RAB21: variants seen among roughly 807,000 people sequenced by gnomAD.
RAB21 encodes RAB21, member RAS oncogene family.
Under a neutral mutation model 33.1 loss-of-function variants are expected in RAB21, and 13 were observed. The ratio of observed to expected loss-of-function variants is 0.39; its 90% CI spans 0.26 to 0.62. RAB21 has a LOEUF of 0.62. RAB21 is among the 20% of genes least tolerant of loss of function. RAB21 has a pLI of 0.48. For missense variants in RAB21, 234 were observed against 279.1 expected (o/e 0.84, Z 1.15); for synonymous variants, 91 against 103.7 (o/e 0.88, Z 0.74).
At chr12:71,763,402 A>AT (rs1307747569) in intron 1 of RAB21, among the ~76,000 whole-genome samples, 2 of 151,900 alleles carry the variant, frequency 1.3e-5, no homozygotes, top group Admixed American at 6.6e-5. Context: ...TGGCAGATAT[A>AT]TTTTTTCCCT....
chr12:71,777,895 A>C (rs1883144875), intron 4 of RAB21, among the ~76,000 whole-genome samples: 1 of 152,174 alleles, frequency 6.6e-6, no homozygotes, highest in Non-Finnish European at 1.5e-5. Context: ...CTGGCCTTCT[A>C]TCAGGATTGC....
At chr12:71,777,484 T>G (rs559269783) in intron 4 of RAB21, among the ~76,000 whole-genome samples, 2 of 152,332 alleles carry the variant, frequency 1.3e-5, no homozygotes, top group African/African-American at 2.4e-5. Context: ...TTGATTTTTA[T>G]TCTCTGTTGT....
At chr12:71,780,739 C>A (rs1446424730) in intron 4 of RAB21, among the ~76,000 whole-genome samples, 1 of 152,136 alleles carries the variant, frequency 6.6e-6, no homozygotes, top group Admixed American at 6.5e-5. Flanking sequence ...ACTTGTCCAC[C>A]TCAGTGCTAA....
chr12:71,755,983 G>T (rs1040676769), intron 1 of RAB21, among the ~76,000 whole-genome samples: 4 of 152,134 alleles, frequency 2.6e-5, no homozygotes, highest in Non-Finnish European at 5.9e-5. Context: ...ATAAAAGGTC[G>T]GCTTTCTTCC....
At chr12:71,771,671 A>G (rs550023554) in intron 3 of RAB21, among the ~76,000 whole-genome samples, 1 of 152,212 alleles carries the variant, frequency 6.6e-6, no homozygotes, top group Admixed American at 6.5e-5. Context: ...TAGTTTAAGT[A>G]TTTTATTAAG....
intron 4 of RAB21, among the ~76,000 whole-genome samples, chr12:71,778,050 C>A (rs1482585539): frequency 6.6e-6 from 1 of 152,118 alleles, no homozygotes; most frequent in Admixed American, 6.5e-5. Flanking sequence ...CTATTTAAAG[C>A]TAAGTAGAAA....
In RAB21 at chr12:71,795,848, G is replaced by A. The variant is rs1046520989; in HGVS notation, c.*10175G>A. The A allele has an allele frequency of 2.2e-5, 3 of 137,546 alleles. No homozygotes were observed. The highest frequency in any genetic ancestry group is 4.5e-5 in the Non-Finnish European group (3 of 66,020). The allele number at this position is 137,546 out of a possible 1,614,324, so 8.5% of individuals were successfully genotyped here. A position where few individuals can be genotyped will look rare whatever the true frequency, so the allele number is the denominator to read the frequency against. ...TGTGATGGAATTTTTTAAAGTATAT[G>A]TGAAGTTTTTTACTTCTTCAGTTTT... is the stretch of plus-strand genomic sequence containing the variant. On this transcript the variant is annotated 3_prime_UTR_variant, in exon 7 of 7. Transcript: ENST00000261263.
rs1422684460 is a variant in RAB21 at position 71,797,830 on chromosome 12, G to A, written c.*12157G>A. 2 of 151,922 alleles carry A rather than the reference G, an allele frequency of 1.3e-5. No homozygotes were observed. Among genetic ancestry groups the A allele is most frequent in the African/African-American group, 4.8e-5 (2 of 41,358 alleles). 9.4% of individuals were successfully genotyped at this position (151,922 alleles called of 1,614,324 possible). A position where few individuals can be genotyped will look rare whatever the true frequency, so the allele number is the denominator to read the frequency against. On this transcript the variant is annotated 3_prime_UTR_variant, in exon 7 of 7. Coordinates refer to ENST00000261263, the MANE Select transcript of RAB21 (RefSeq NM_014999.4). The stretch of plus-strand genomic sequence containing the variant: ...GAGAAGTGATGTTTCAGCTCAGTGG[G>A]GAAAATATGGTTTATTCATTAAAGG...
At chr12:71,755,325 G>A in intron 1 of RAB21, 37 bp downstream of exon 1, 2 of 1,470,588 alleles carry the variant, frequency 1.4e-6, no homozygotes, top group Non-Finnish European at 1.8e-6. Flanking sequence ...GCGCCTCAGG[G>A]CCCCTACCCC....
chr12:71,760,432 G>C (rs1342513829), intron 1 of RAB21, among the ~76,000 whole-genome samples: 1 of 152,082 alleles, frequency 6.6e-6, no homozygotes, highest in Non-Finnish European at 1.5e-5. Context: ...TGATAAACTT[G>C]GGAAAAATAA....
intron 4 of RAB21, among the ~76,000 whole-genome samples, chr12:71,776,034 T>C (rs1052185400): frequency 6.6e-6 from 1 of 152,112 alleles, no homozygotes; most frequent in Admixed American, 6.5e-5. Flanking sequence ...ACTTGGAGAT[T>C]TGGAACCAAA....
At position 71,797,241 on chromosome 12, in the gene RAB21, G is replaced by T. The variant is rs2137669188; in HGVS notation, c.*11568G>T. ...AAAGGTAAAGTTAGTATTTGTAGATGATAGTGCAAAGCTTAAAAGGGTCAA... is the reference window on the plus strand; with the variant it reads ...AAAGGTAAAGTTAGTATTTGTAGATTATAGTGCAAAGCTTAAAAGGGTCAA... On this transcript the variant is annotated 3_prime_UTR_variant, in exon 7 of 7. Coordinates refer to ENST00000261263, the MANE Select transcript of RAB21 (RefSeq NM_014999.4). 1 of 152,280 alleles carries T rather than the reference G, an allele frequency of 6.6e-6. No homozygotes were observed. The highest frequency in any genetic ancestry group is 2.1e-4 in the South Asian group (1 of 4,824). 9.4% of individuals were successfully genotyped at this position (152,280 alleles called of 1,614,324 possible). A position where few individuals can be genotyped will look rare whatever the true frequency, so the allele number is the denominator to read the frequency against.
At chr12:71,782,772 T>A in intron 6 of RAB21, 114 bp downstream of exon 6, 1 of 675,668 alleles carries the variant, frequency 1.5e-6, no homozygotes, top group Admixed American at 3.5e-5. Context: ...CTTTTTAAAC[T>A]ATTGACTATT....
chr12:71,759,181 C>G (rs1205609539), intron 1 of RAB21, among the ~76,000 whole-genome samples: 2 of 152,122 alleles, frequency 1.3e-5, no homozygotes, highest in Admixed American at 1.3e-4. Flanking sequence ...TGTTAATGTC[C>G]TTTTTAATTT....
At chr12:71,768,717 C>G (rs1565887719) in intron 1 of RAB21, among the ~76,000 whole-genome samples, 1 of 152,034 alleles carries the variant, frequency 6.6e-6, no homozygotes, top group African/African-American at 2.4e-5. Flanking sequence ...CCTGTTTCTT[C>G]AAACAGTTGT....
At chr12:71,759,548 A>C (rs912923049) in intron 1 of RAB21, among the ~76,000 whole-genome samples, 1 of 152,222 alleles carries the variant, frequency 6.6e-6, no homozygotes, top group Non-Finnish European at 1.5e-5. Context: ...AGTAAGAAAC[A>C]GTTGTTAATG....
At chr12:71,777,341 G>A (rs916850548) in intron 4 of RAB21, among the ~76,000 whole-genome samples, 1 of 152,012 alleles carries the variant, frequency 6.6e-6, no homozygotes, top group Non-Finnish European at 1.5e-5. Flanking sequence ...TTTACATTAT[G>A]TGCCTACGAT....
intron 6 of RAB21, among the ~76,000 whole-genome samples, chr12:71,785,074 G>A (rs965856660): frequency 4.6e-5 from 7 of 152,124 alleles, no homozygotes; most frequent in Admixed American, 3.3e-4. Flanking sequence ...TCCAGCCTGG[G>A]TATCAAAGCG....
chr12:71,763,792 C>T (rs558708544), intron 1 of RAB21, among the ~76,000 whole-genome samples: 1 of 152,248 alleles, frequency 6.6e-6, no homozygotes, highest in Admixed American at 6.5e-5. Flanking sequence ...GGTCCAAGAA[C>T]ACTTACTGTC....
Sources: allele counts gnomAD v4.1 joint callset (sites outside exome capture counted in the v4.1 genomes callset), GRCh38; gene constraint gnomAD v4.1.1; transcripts MANE v1.5; gene names NCBI Gene and HGNC (gene_info 2026-07-23, HGNC 2026-07-21).